LUC7L2: variants seen among roughly 807,000 people sequenced by gnomAD.
LUC7L2 encodes the protein putative RNA-binding protein Luc7-like 2.
In LUC7L2, 25 loss-of-function variants were observed where a neutral mutation model predicts 52.8. The observed-to-expected ratio is 0.47, with a 90% confidence interval of 0.34 to 0.66. LUC7L2 has a LOEUF of 0.66. LUC7L2 is among the 30% of genes least tolerant of loss of function. The pLI is 0.01. For missense variants in LUC7L2, 328 were observed against 497.8 expected (o/e 0.66, Z 3.25); for synonymous variants, 144 against 160.9 (o/e 0.89, Z 0.80).
intron 2 of LUC7L2, among the ~76,000 whole-genome samples, chr7:139,376,357 T>C (rs1585089351): frequency 6.6e-6 from 1 of 152,230 alleles, no homozygotes; most frequent in East Asian, 1.9e-4. Flanking sequence ...TGTTTTATAA[T>C]TTTTTCCATT....
At chr7:139,387,909 T>C (rs1056625633) in intron 2 of LUC7L2, among the ~76,000 whole-genome samples, 7 of 152,212 alleles carry the variant, frequency 4.6e-5, no homozygotes, top group African/African-American at 9.6e-5. Context: ...TGAGCCACCA[T>C]GTCTGGCCTG....
intron 3 of LUC7L2, among the ~76,000 whole-genome samples, chr7:139,399,449 ATTTTTTT>A (rs71169090): frequency 5.9e-5 from 3 of 50,456 alleles, no homozygotes; most frequent in South Asian, 8.0e-4. Context: ...TGTTTGGGGG[ATTTTTTT>A]TTTTTTTTTT....
chr7:139,417,191 CCT>C, intron 8 of LUC7L2: 1 of 187,380 alleles, frequency 5.3e-6, no homozygotes, highest in Non-Finnish European at 1.1e-5. Flanking sequence ...CAGGCATGTG[CCT>C]CTGTGTCCAG....
intron 2 of LUC7L2, among the ~76,000 whole-genome samples, chr7:139,384,592 A>G (rs923078270): frequency 2.6e-5 from 4 of 152,242 alleles, no homozygotes; most frequent in Admixed American, 2.6e-4. Context: ...GCTTTAAAAG[A>G]TTGCCAGTGA....
chr7:139,407,397 C>CT, intron 6 of LUC7L2, 47 bp downstream of exon 6: 1 of 1,556,956 alleles, frequency 6.4e-7, no homozygotes, highest in South Asian at 1.2e-5. Context: ...TTCTTTTGAT[C>CT]TGTATCAGTT....
At chr7:139,413,847 A>G (rs988446139) in intron 8 of LUC7L2, among the ~76,000 whole-genome samples, 1 of 152,166 alleles carries the variant, frequency 6.6e-6, no homozygotes, top group Non-Finnish European at 1.5e-5. Flanking sequence ...CTAAAACACT[A>G]AAAAAACTAA....
intron 2 of LUC7L2, among the ~76,000 whole-genome samples, chr7:139,385,526 G>C (rs1384204753): frequency 6.6e-6 from 1 of 151,886 alleles, no homozygotes; most frequent in Non-Finnish European, 1.5e-5. Context: ...TCGCCATGCT[G>C]TCCAGGCTCT....
upstream of LUC7L2, among the ~76,000 whole-genome samples, chr7:139,356,342 A>T (rs1232227940): frequency 1.3e-5 from 2 of 149,520 alleles, no homozygotes; most frequent in Non-Finnish European, 3.0e-5. Flanking sequence ...AAAAAAAAAA[A>T]AGGAACCTCC....
chr7:139,358,552 C>T (rs1166154432), upstream of LUC7L2, among the ~76,000 whole-genome samples: 2 of 152,172 alleles, frequency 1.3e-5, no homozygotes, highest in Non-Finnish European at 2.9e-5. Flanking sequence ...ACACAAATCT[C>T]TATTATGTCC....
intron 1 of LUC7L2, chr7:139,375,360 A>G (rs1800655662): frequency 1.0e-6 from 1 of 985,330 alleles, no homozygotes; most frequent in African/African-American, 1.7e-5. Flanking sequence ...CTCAGACTAC[A>G]TAAAACTTGG....
At chr7:139,349,532 T>A (rs548535680) in intron 1 of LUC7L2, among the ~76,000 whole-genome samples, 1 of 152,212 alleles carries the variant, frequency 6.6e-6, no homozygotes, top group East Asian at 1.9e-4. Context: ...GTTACTAGTC[T>A]AGTGATAAGT....
intron 3 of LUC7L2, 140 bp from the exon 4 acceptor site, chr7:139,401,997 C>T: frequency 2.4e-6 from 2 of 846,474 alleles, no homozygotes; most frequent in Non-Finnish European, 3.4e-6. Context: ...CCTTAGCCTC[C>T]TAAAGTGCTC....
At chr7:139,373,016 A>G (rs1051896276) in intron 1 of LUC7L2, among the ~76,000 whole-genome samples, 9 of 152,214 alleles carry the variant, frequency 5.9e-5, no homozygotes, top group Non-Finnish European at 1.3e-4. Context: ...ACCCAAAGAT[A>G]AAACACATTA....
intron 2 of LUC7L2, among the ~76,000 whole-genome samples, chr7:139,376,508 C>T (rs373185505): frequency 4.6e-5 from 7 of 151,874 alleles, no homozygotes; most frequent in Non-Finnish European, 1.5e-5. Context: ...TTATCTAGTA[C>T]GGTATACATT....
chr7:139,371,278 G>T, intron 1 of LUC7L2: 1 of 640,864 alleles, frequency 1.6e-6, no homozygotes, highest in South Asian at 1.8e-5. Context: ...ATGAATGCCT[G>T]ATAATGTACA....
chr7:139,341,718 G>GC (rs111891482), intron 1 of LUC7L2, among the ~76,000 whole-genome samples: 8 of 145,950 alleles, frequency 5.5e-5, no homozygotes, highest in Non-Finnish European at 1.1e-4. Flanking sequence ...AGGACCAGCG[G>GC]GGGGGGGCGC....
intron 8 of LUC7L2, among the ~76,000 whole-genome samples, chr7:139,415,258 C>G (rs1476977166): frequency 6.6e-6 from 1 of 150,646 alleles, no homozygotes; most frequent in African/African-American, 2.4e-5. Flanking sequence ...TCTTTATTTA[C>G]TGCCTACAAA....
rs370218831 is a variant in LUC7L2 at position 139,422,387 on chromosome 7, G to C, written c.*47G>C. ...GTCCTTAAGCTTCCTACGGAGTTAC[G>C]TACTATTGTTTAGTTCACAGCTGTT... On this transcript the variant is annotated 3_prime_UTR_variant, in exon 10 of 10. Coordinates refer to ENST00000354926, the MANE Select transcript of LUC7L2 (RefSeq NM_016019.5). 6.4e-7 allele frequency: 1 copy of C among 1,565,078 alleles called. No individual in the cohort carries two copies. The highest frequency in any genetic ancestry group is 8.6e-7 in the Non-Finnish European group (1 of 1,158,648).
intron 4 of LUC7L2, 35 bp downstream of exon 4, chr7:139,402,282 T>C (rs748131511): frequency 2.0e-6 from 3 of 1,517,010 alleles, no homozygotes; most frequent in South Asian, 2.6e-5. Flanking sequence ...GTACAAAGTA[T>C]TATTTCGACT....
Sources: allele counts gnomAD v4.1 joint callset (sites outside exome capture counted in the v4.1 genomes callset), GRCh38; gene constraint gnomAD v4.1.1; transcripts MANE v1.5; gene names NCBI Gene and HGNC (gene_info 2026-07-23, HGNC 2026-07-21).